Variants in PTBP3 observed in about 807,000 individuals in gnomAD.
PTBP3 encodes polypyrimidine tract-binding protein 3.
A neutral mutation model predicts 58.7 loss-of-function variants in PTBP3; 20 were observed. The ratio of observed to expected loss-of-function variants is 0.34; its 90% CI spans 0.24 to 0.50. The LOEUF (loss-of-function observed/expected upper bound fraction) is 0.50. PTBP3 is among the 20% of genes least tolerant of loss of function. PTBP3 has a pLI of 0.98. For synonymous variants in PTBP3, 185 were observed against 219.8 expected (o/e 0.84, Z 1.40); for missense variants, 509 against 637.2 (o/e 0.80, Z 2.17).
At chr9:112,251,183 G>A (rs1836101230) in intron 6 of PTBP3, 80 bp from the exon 7 acceptor site, 2 of 1,196,562 alleles carry the variant, frequency 1.7e-6, no homozygotes, top group Non-Finnish European at 2.2e-6. Flanking sequence ...GACAAAGAGT[G>A]GCAATCAGGT....
intron 2 of PTBP3, among the ~76,000 whole-genome samples, chr9:112,281,605 T>G (rs987049710): frequency 6.6e-6 from 1 of 152,204 alleles, no homozygotes; most frequent in Admixed American, 6.5e-5. Flanking sequence ...TCCTTTATAT[T>G]CTGTACAGTC....
intron 1 of PTBP3, among the ~76,000 whole-genome samples, chr9:112,311,600 T>C (rs1829476615): frequency 6.6e-6 from 1 of 152,062 alleles, no homozygotes; most frequent in Admixed American, 6.5e-5. Context: ...CTGGAGAACT[T>C]GAGTATGCAT....
At chr9:112,242,713 C>T (rs1835708663) in intron 7 of PTBP3, 1 of 152,214 alleles carries the variant, frequency 6.6e-6, no homozygotes, top group South Asian at 2.1e-4. Flanking sequence ...TGGGAAGTCA[C>T]GATATTGATG....
chr9:112,244,299 A>C lies in PTBP3; in HGVS notation c.802+6630T>G, dbSNP rs866189427. On this transcript the variant is annotated intron_variant, in intron 7 of 13. Transcript: ENST00000374257. ...AGTGAGACTCTGTCTCAAAAAAAAA[A>C]AAAAAAAAGTTCTCAGGAATAAGTG... is the stretch of plus-strand genomic sequence containing the variant. Among the ~76,000 whole-genome samples, 65 of 147,454 alleles carry C rather than the reference A, an allele frequency of 4.4e-4. 5 individuals are homozygous for C. The highest frequency in any genetic ancestry group is 7.3e-4 in the Non-Finnish European group (49 of 66,782).
At chr9:112,273,373 A>C (rs1023173514) in intron 3 of PTBP3, among the ~76,000 whole-genome samples, 29 of 152,346 alleles carry the variant, frequency 1.9e-4, no homozygotes, top group African/African-American at 5.8e-4. Context: ...GGTAGGAAAA[A>C]CAGCTATGGC....
At chr9:112,228,937 A>G (rs952120427) in intron 10 of PTBP3, among the ~76,000 whole-genome samples, 1 of 152,038 alleles carries the variant, frequency 6.6e-6, no homozygotes, top group Non-Finnish European at 1.5e-5. Flanking sequence ...ACCATTTCAC[A>G]CTCGGACAAT....
chr9:112,316,036 G>T (rs1829690474), intron 1 of PTBP3, among the ~76,000 whole-genome samples: 1 of 152,200 alleles, frequency 6.6e-6, no homozygotes, highest in African/African-American at 2.4e-5. Flanking sequence ...AGCAAGTGTT[G>T]CCAATACATT....
At chr9:112,339,678 C>T in the PTBP3 span, among the ~76,000 whole-genome samples, 3 of 151,870 alleles carry the variant, frequency 2.0e-5, no homozygotes, top group Non-Finnish European at 4.4e-5. Context: ...ATTCTCCTGC[C>T]TCAGCCTCCC....
the PTBP3 span, among the ~76,000 whole-genome samples, chr9:112,347,901 T>C: frequency 6.6e-6 from 1 of 152,234 alleles, no homozygotes; most frequent in Non-Finnish European, 1.5e-5. Flanking sequence ...TTCTGCCTCA[T>C]AATTTATATA....
At chr9:112,236,162 A>T (rs766207028) in intron 7 of PTBP3, among the ~76,000 whole-genome samples, 13 of 151,922 alleles carry the variant, frequency 8.6e-5, no homozygotes, top group Non-Finnish European at 1.9e-4. Flanking sequence ...ATTTAATATA[A>T]TTTATTAAAT....
In PTBP3 at chr9:112,244,067, C is replaced by T. The variant is rs546600460; in HGVS notation, c.802+6862G>A. 1.3e-4 allele frequency among the ~76,000 whole-genome samples: 19 copies of T among 151,426 alleles called. No individual in the cohort carries two copies. In the East Asian group the frequency reaches 2.1e-3, roughly 17 times the overall value. Reference sequence around the variant, plus strand: ...CTGTAATCCCAACACTTTGGGAGGCCGAGACAGGTGGATCACGAGGTCAGG... The same window carrying T: ...CTGTAATCCCAACACTTTGGGAGGCTGAGACAGGTGGATCACGAGGTCAGG... On this transcript the variant is annotated intron_variant, in intron 7 of 13. Transcript: ENST00000374257.
chr9:112,298,292 T>C (rs1010246624), intron 1 of PTBP3, among the ~76,000 whole-genome samples: 1 of 152,218 alleles, frequency 6.6e-6, no homozygotes, highest in Non-Finnish European at 1.5e-5. Flanking sequence ...ATCCTGACTT[T>C]TCAATACCAA....
intron 1 of PTBP3, among the ~76,000 whole-genome samples, chr9:112,326,419 T>C (rs960421852): frequency 6.6e-6 from 1 of 152,198 alleles, no homozygotes; most frequent in Non-Finnish European, 1.5e-5. Flanking sequence ...ACAGCTGTGT[T>C]TCAGTAAAAC....
At chr9:112,243,873 AAG>A (rs1835761018) in intron 7 of PTBP3, among the ~76,000 whole-genome samples, 1 of 152,224 alleles carries the variant, frequency 6.6e-6, no homozygotes, top group Non-Finnish European at 1.5e-5. Flanking sequence ...CATAGAAAGA[AAG>A]AGAAATGCAG....
intron 12 of PTBP3, among the ~76,000 whole-genome samples, chr9:112,225,881 AC>A (rs1252557967): frequency 6.6e-6 from 1 of 152,032 alleles, no homozygotes; most frequent in East Asian, 1.9e-4. Flanking sequence ...CCCTGTCTCT[AC>A]AAAAAAATAC....
At chr9:112,264,887 G>T (rs532377477) in intron 4 of PTBP3, among the ~76,000 whole-genome samples, 56 of 152,172 alleles carry the variant, frequency 3.7e-4, no homozygotes, top group African/African-American at 1.1e-3. Flanking sequence ...TCCCTTCAAG[G>T]TTTATAGTAA....
the PTBP3 span, among the ~76,000 whole-genome samples, chr9:112,371,646 A>ATTTTTTTTTT: frequency 2.4e-5 from 3 of 127,548 alleles, no homozygotes; most frequent in African/African-American, 9.1e-5. Flanking sequence ...TTTTTAGTAG[A>ATTTTTTTTTT]TTTTTTTTTT....
In PTBP3 at chr9:112,221,570, A is replaced by C. The variant is rs1412320516; in HGVS notation, c.*2281T>G. Reference sequence around the variant, plus strand: ...GGGAAAAAAAAGCAAGTTTTGGGAGATTTTGCAAAGAAATTTTTTTCCTCC... The same window carrying C: ...GGGAAAAAAAAGCAAGTTTTGGGAGCTTTTGCAAAGAAATTTTTTTCCTCC... On this transcript the variant is annotated 3_prime_UTR_variant, in exon 14 of 14. Transcript: ENST00000374257. The C allele has an allele frequency of 1.0e-6, 1 of 985,486 alleles. No homozygotes were observed. Among genetic ancestry groups the C allele is most frequent in the African/African-American group, 1.7e-5 (1 of 57,252 alleles). The allele number at this position is 985,486 out of a possible 1,614,324, so 61.0% of individuals were successfully genotyped here. A position where few individuals can be genotyped will look rare whatever the true frequency, so the allele number is the denominator to read the frequency against.
intron 5 of PTBP3, among the ~76,000 whole-genome samples, chr9:112,255,473 A>T (rs1836308507): frequency 6.6e-6 from 1 of 152,184 alleles, no homozygotes; most frequent in African/African-American, 2.4e-5. Context: ...TAAAGGAGTA[A>T]CGTTAGACTT....
Sources: gnomAD v4.1 joint callset for allele counts (sites outside exome capture counted in the v4.1 genomes callset) on GRCh38, gnomAD v4.1.1 for gene constraint, MANE v1.5 for transcripts, NCBI Gene and HGNC (gene_info 2026-07-23, HGNC 2026-07-21) for gene names.